Variants in CHRM3 observed in about 807,000 individuals in gnomAD.
CHRM3 encodes the protein cholinergic receptor muscarinic 3, also known as muscarinic acetylcholine receptor M3.
CHRM3 carries 11 observed loss-of-function variants against 41.8 expected under a neutral mutation model. The ratio of observed to expected loss-of-function variants is 0.26; its 90% confidence interval spans 0.17 to 0.44. The LOEUF (loss-of-function observed/expected upper bound fraction) is 0.44, where lower values mean the gene tolerates loss of function less well. CHRM3 is among the 20% of genes least tolerant of loss of function. The pLI, the probability that CHRM3 is intolerant of heterozygous loss-of-function variation, is 1.00. For missense variants in CHRM3, 571 were observed against 745.4 expected, an observed-to-expected ratio of 0.77 and a Z score of 2.72; for synonymous variants, 297 against 301.4, an observed-to-expected ratio of 0.99 and a Z score of 0.15.
intron 5 of CHRM3, among the ~76,000 whole-genome samples, chr1:239,821,098 T>C (rs1200106969): frequency 6.6e-6 from 1 of 152,180 alleles, no homozygotes; most frequent in Non-Finnish European, 1.5e-5. Context: ...AAGAACTACA[T>C]GTTCTGACTT....
At chr1:239,811,622 G>C (rs373619332) in intron 5 of CHRM3, among the ~76,000 whole-genome samples, 21 of 152,258 alleles carry the variant, frequency 1.4e-4, no homozygotes, top group Admixed American at 3.9e-4. Flanking sequence ...TTCTTATAAA[G>C]CAAAGTCTCT....
At chr1:239,906,000 A>C (rs981671899) in intron 6 of CHRM3, among the ~76,000 whole-genome samples, 30 of 152,224 alleles carry the variant, frequency 2.0e-4, no homozygotes, top group African/African-American at 6.8e-4. Context: ...GAAAGAATTG[A>C]TCAACAATTG....
At chr1:239,500,711 AAAC>A (rs147273123) in intron 2 of CHRM3, among the ~76,000 whole-genome samples, 26,681 of 151,616 alleles carry the variant, frequency 0.18, 2,578 homozygotes, top group Non-Finnish European at 0.2. Flanking sequence ...AAAAAAACAC[AAAC>A]AACAACAACA....
rs1158078978 is a variant in CHRM3, at chr1:239,913,896, G to C, written c.*4672G>C. ...TCCAAATGCGTTGCTAGAATATCAG[G>C]CCTATGTTTGTTCTGGTAGAACCAC... On this transcript the variant is annotated 3_prime_UTR_variant, in exon 7 of 7. Coordinates refer to ENST00000676153, the MANE Select transcript of CHRM3 (RefSeq NM_001375978.1). The C allele has an allele frequency of 1.2e-5, 2 of 166,940 alleles. No homozygotes were observed. The highest frequency in any genetic ancestry group is 1.9e-4 in the East Asian group (1 of 5,192). The allele number at this position is 166,940 out of a possible 1,614,324, so 10.3% of individuals were successfully genotyped here. A position where few individuals can be genotyped will look rare whatever the true frequency, so the allele number is the denominator to read the frequency against.
intron 6 of CHRM3, among the ~76,000 whole-genome samples, chr1:239,829,731 A>C (rs1158204936): frequency 6.6e-6 from 1 of 152,190 alleles, no homozygotes; most frequent in Non-Finnish European, 1.5e-5. Context: ...CAGCTCTGCC[A>C]CTTACTGTGT....
rs1004025373 is a variant in CHRM3, at chr1:239,455,592, A to C, written c.-520-37117A>C. Among the ~76,000 whole-genome samples, 20 of 152,314 alleles carry C rather than the reference A, an allele frequency of 1.3e-4. No individual in the cohort carries two copies. The East Asian group carries it at 2.7e-3, about 21-fold the overall frequency. On this transcript the variant is annotated intron_variant, in intron 1 of 6. Transcript: ENST00000676153. ...TTAGTTTTTAACAAAAATGTTTAAA[A>C]AGTTAAAAAAATGTTTACAGATAGA...
At chr1:239,806,427 C>CACACACAA (rs1257189291) in intron 5 of CHRM3, among the ~76,000 whole-genome samples, 3 of 151,302 alleles carry the variant, frequency 2.0e-5, no homozygotes, top group African/African-American at 7.3e-5. Context: ...TACACACACA[C>CACACACAA]ACACACACAC....
chr1:239,665,279 G>A (rs542424386), intron 4 of CHRM3, among the ~76,000 whole-genome samples: 2 of 151,880 alleles, frequency 1.3e-5, no homozygotes, highest in East Asian at 1.9e-4. Flanking sequence ...TGTAATCAGC[G>A]GCCATTTTTC....
At chr1:239,819,744 C>A (rs1458416827) in intron 5 of CHRM3, among the ~76,000 whole-genome samples, 1 of 152,130 alleles carries the variant, frequency 6.6e-6, no homozygotes, top group Non-Finnish European at 1.5e-5. Context: ...AAAATGAGAT[C>A]CTTTTGTGAA....
chr1:239,533,754 A>G (rs1462309118), intron 2 of CHRM3, among the ~76,000 whole-genome samples: 1 of 150,166 alleles, frequency 6.7e-6, no homozygotes, highest in Non-Finnish European at 1.5e-5. Flanking sequence ...AAAAAAACAA[A>G]AAAACCCTTA....
At chr1:239,569,028 A>C (rs1456399134) in intron 3 of CHRM3, among the ~76,000 whole-genome samples, 1 of 152,204 alleles carries the variant, frequency 6.6e-6, no homozygotes, top group Non-Finnish European at 1.5e-5. Flanking sequence ...AGAAAGAGAA[A>C]GGTAGTGTTG....
chr1:239,686,109 C>A (rs189286149), intron 5 of CHRM3, among the ~76,000 whole-genome samples: 1 of 152,224 alleles, frequency 6.6e-6, no homozygotes, highest in African/African-American at 2.4e-5. Flanking sequence ...CCTTCATGAT[C>A]TTTCTACCAT....
intron 5 of CHRM3, among the ~76,000 whole-genome samples, chr1:239,692,912 G>A (rs1460412960): frequency 2.6e-5 from 4 of 152,130 alleles, no homozygotes; most frequent in African/African-American, 9.7e-5. Flanking sequence ...TCATCTGTTT[G>A]TTTTGGCTTC....
chr1:239,743,546 TC>T (rs113839036), intron 5 of CHRM3, among the ~76,000 whole-genome samples: 6 of 152,132 alleles, frequency 3.9e-5, no homozygotes, highest in African/African-American at 1.4e-4. Context: ...TACACATACA[TC>T]CCACCCAACC....
intron 1 of CHRM3, among the ~76,000 whole-genome samples, chr1:239,406,471 A>G (rs1660603680): frequency 6.6e-6 from 1 of 152,228 alleles, no homozygotes; most frequent in African/African-American, 2.4e-5. Context: ...AAAATGAACT[A>G]TGAACCAAAG....
At chr1:239,757,555 G>T (rs796927688) in intron 5 of CHRM3, among the ~76,000 whole-genome samples, 1 of 151,862 alleles carries the variant, frequency 6.6e-6, no homozygotes, top group Non-Finnish European at 1.5e-5. Context: ...GCGTGAACCC[G>T]GGAGGTGGAG....
chr1:239,556,622 G>A (rs1240029366), intron 3 of CHRM3, among the ~76,000 whole-genome samples: 5 of 152,226 alleles, frequency 3.3e-5, no homozygotes, highest in East Asian at 1.9e-4. Context: ...GTTCAATTCC[G>A]ATACTTCTAA....
chr1:239,746,402 T>A (rs1665357594), intron 5 of CHRM3, among the ~76,000 whole-genome samples: 1 of 152,146 alleles, frequency 6.6e-6, no homozygotes, highest in Non-Finnish European at 1.5e-5. Context: ...GCTCAGAGAG[T>A]AAATAATGTG....
chr1:239,656,407 G>T (rs552693754), intron 4 of CHRM3, among the ~76,000 whole-genome samples: 1 of 151,164 alleles, frequency 6.6e-6, no homozygotes, highest in African/African-American at 2.4e-5. Flanking sequence ...AATCACTTGA[G>T]CTCAGGAGTT....
Sources: allele counts gnomAD v4.1 joint callset (sites outside exome capture counted in the v4.1 genomes callset), GRCh38; gene constraint gnomAD v4.1.1; transcripts MANE v1.5; gene names NCBI Gene and HGNC (gene_info 2026-07-23, HGNC 2026-07-21).